Variants in ADPRHL1 observed in about 807,000 individuals in gnomAD.
ADPRHL1 encodes inactive ADP-ribosyltransferase ARH2.
A neutral mutation model predicts 44.1 loss-of-function variants in ADPRHL1; 43 were observed. The ratio of observed to expected loss-of-function variants is 0.98; its 90% CI spans 0.76 to 1.26. ADPRHL1 has a LOEUF of 1.26. Ranked by LOEUF, ADPRHL1 falls within the 50% of genes most tolerant of loss-of-function variation. The probability of loss-of-function intolerance (pLI) is 0.00; values close to 1 mark genes in which losing one functional copy is unlikely to be tolerated. For missense variants in ADPRHL1, 2,022 were observed against 2,496.9 expected (o/e 0.81, Z 4.05); for synonymous variants, 878 against 1,017.4 (o/e 0.86, Z 2.61).
rs1193080506 is a variant in ADPRHL1, at chr13:113,409,134, CAA to C, written c.1062-916_1062-915del. ...GATTCCTTCCCACCAGCCCAGCTTT[CAA>C]AGAGACGGGACCAAATGGGTCTTGG... On this transcript the variant is annotated intron_variant, in intron 7 of 7. Transcript: ENST00000612156. The surrounding 1 kb of genome is among the most constrained non-coding windows in gnomAD (Gnocchi z 4.2). Among the ~76,000 whole-genome samples the C allele has an allele frequency of 1.3e-5, 2 of 152,186 alleles. No individual in the cohort carries two copies. The highest frequency in any genetic ancestry group is 2.9e-5 in the Non-Finnish European group (2 of 68,036).
intron 1 of ADPRHL1, among the ~76,000 whole-genome samples, chr13:113,445,151 C>G (rs2139649420): frequency 6.6e-6 from 1 of 152,366 alleles, no homozygotes; most frequent in Non-Finnish European, 1.5e-5. Context: ...CCCTGAAAGA[C>G]CCTGGGGCAC....
chr13:113,418,840 G>C (rs1429494051), intron 7 of ADPRHL1, among the ~76,000 whole-genome samples: 2 of 152,066 alleles, frequency 1.3e-5, no homozygotes, highest in Admixed American at 1.3e-4. Flanking sequence ...TCATCCTCCT[G>C]CCTGCCCCTT....
At chr13:113,435,899 C>A (rs1461430556) in intron 2 of ADPRHL1, among the ~76,000 whole-genome samples, 5 of 146,374 alleles carry the variant, frequency 3.4e-5, no homozygotes, top group East Asian at 4.3e-4. Flanking sequence ...CGGGACCCAG[C>A]ACCCAGGTGT....
At chr13:113,439,213 C>T (rs975019429) in intron 2 of ADPRHL1, among the ~76,000 whole-genome samples, 59 of 152,056 alleles carry the variant, frequency 3.9e-4, no homozygotes, top group African/African-American at 1.4e-3. Flanking sequence ...ACCTCCGCCT[C>T]CCGGGTTCAA....
At chr13:113,442,636 T>C (rs1393940493) in intron 2 of ADPRHL1, among the ~76,000 whole-genome samples, 1 of 152,224 alleles carries the variant, frequency 6.6e-6, no homozygotes, top group Non-Finnish European at 1.5e-5. Context: ...TCTTCTTGAG[T>C]ATTACTTCAG....
intron 7 of ADPRHL1, among the ~76,000 whole-genome samples, chr13:113,412,465 A>G (rs9324241): frequency 0.65 from 98,587 of 152,128 alleles, 33,565 homozygotes; most frequent in African/African-American, 0.84. Context: ...GGCGTGAGCC[A>G]CCGCGCCCAG....
At chr13:113,448,416 A>T (rs1201926940) in intron 1 of ADPRHL1, among the ~76,000 whole-genome samples, 1 of 136,356 alleles carries the variant, frequency 7.3e-6, no homozygotes, top group East Asian at 2.3e-4. Context: ...CAGTGAGCCG[A>T]GATCGCGCCA....
In ADPRHL1 at chr13:113,406,382, C is replaced by T. The variant is rs1404228669; in HGVS notation, c.2900G>A (p.Gly967Asp). The change falls in exon 8 of 8, where the codon GGT (glycine) becomes GAT (aspartate). Residue 967 changes from glycine (G) to aspartate (D), a missense_variant. Gly to Asp is a moderately conservative substitution (Grantham distance 94). Coordinates refer to ENST00000612156, the MANE Select transcript of ADPRHL1 (RefSeq NM_001394807.1). ...TGAAATATCGTCAGGATTCCTGGGACCGTGTGAATTCTCAAAGCTGCCTTT... is the reference window on the plus strand; with the variant it reads ...TGAAATATCGTCAGGATTCCTGGGATCGTGTGAATTCTCAAAGCTGCCTTT... ...ENKGSFENSHGPRNPDDISGE... is the reference protein window; with the variant it reads ...ENKGSFENSHDPRNPDDISGE... The T allele has an allele frequency of 8.1e-7, 1 of 1,231,990 alleles. No individual in the cohort carries two copies. The highest frequency in any genetic ancestry group is 1.6e-5 in the African/African-American group (1 of 64,426). The allele number at this position is 1,231,990 out of a possible 1,614,324, so 76.3% of individuals were successfully genotyped here. A position where few individuals can be genotyped will look rare whatever the true frequency, so the allele number is the denominator to read the frequency against.
chr13:113,439,444 A>T (rs1384937950), intron 2 of ADPRHL1, among the ~76,000 whole-genome samples: 7 of 137,860 alleles, frequency 5.1e-5, no homozygotes, highest in African/African-American at 1.9e-4. Context: ...TTTTCTTTGT[A>T]TTTTTTTTTT....
intron 2 of ADPRHL1, among the ~76,000 whole-genome samples, chr13:113,438,464 C>T (rs763262860): frequency 1.5e-4 from 23 of 152,206 alleles, no homozygotes; most frequent in Non-Finnish European, 2.4e-4. Flanking sequence ...GAGGCCAAGG[C>T]AGGCAGATCA....
chr13:113,408,846 G>GAAGGGGGCTGCA (rs2043828323), intron 7 of ADPRHL1, among the ~76,000 whole-genome samples: 1 of 151,092 alleles, frequency 6.6e-6, no homozygotes, highest in African/African-American at 2.4e-5. Flanking sequence ...GAGCAGGGGA[G>GAAGGGGGCTGCA]GAGGGGGCTG....
At chr13:113,447,164 C>T (rs1460713075) in intron 1 of ADPRHL1, among the ~76,000 whole-genome samples, 2 of 119,416 alleles carry the variant, frequency 1.7e-5, no homozygotes, top group East Asian at 2.3e-4. Context: ...TCTACACTCA[C>T]GGTGTTGTGT....
intron 1 of ADPRHL1, among the ~76,000 whole-genome samples, chr13:113,446,009 A>T (rs2044134209): frequency 6.7e-6 from 1 of 150,018 alleles, no homozygotes; most frequent in Non-Finnish European, 1.5e-5. Context: ...CCCCAGAGAG[A>T]GTGCTTGGGG....
chr13:113,423,652 G>A (rs968776476), intron 6 of ADPRHL1, among the ~76,000 whole-genome samples: 2 of 152,210 alleles, frequency 1.3e-5, no homozygotes, highest in African/African-American at 4.8e-5. Flanking sequence ...GAGCTGCCTG[G>A]AGCTGCCACA....
intron 3 of ADPRHL1, 92 bp downstream of exon 3, chr13:113,433,650 G>GCCCCCCCCCC: frequency 7.5e-7 from 1 of 1,334,012 alleles, no homozygotes; most frequent in Non-Finnish European, 9.6e-7. Context: ...CCAGGCCCCC[G>GCCCCCCCCCC]CCCCCCACCC....
intron 3 of ADPRHL1, among the ~76,000 whole-genome samples, chr13:113,431,133 G>A (rs2044003965): frequency 6.6e-6 from 1 of 152,220 alleles, no homozygotes; most frequent in Non-Finnish European, 1.5e-5. Flanking sequence ...CGGCGCCATT[G>A]GCCAGAGGCA....
chr13:113,446,759 G>T (rs760335331), intron 1 of ADPRHL1, among the ~76,000 whole-genome samples: 21 of 152,130 alleles, frequency 1.4e-4, no homozygotes, highest in African/African-American at 3.9e-4. Context: ...GTGTTTACAT[G>T]CACCGTGTTG....
chr13:113,421,338 C>T lies in ADPRHL1; in HGVS notation c.1061+1488G>A, dbSNP rs533510623. Among the ~76,000 whole-genome samples, 10 of 144,816 alleles carry T rather than the reference C, an allele frequency of 6.9e-5. No homozygotes were observed. The South Asian group carries it at 1.6e-3, about 23-fold the overall frequency. On this transcript the variant is annotated intron_variant, in intron 7 of 7. Transcript: ENST00000612156. ...GCCCACCCCGGGACACGCCCACCCC[C>T]GGGACACGCCCACTCCCGGGACACC...
rs2043810954 is a variant in ADPRHL1, at chr13:113,406,654, C to T, written c.2628G>A (p.Glu876=). 1 of 1,188,792 alleles carries T rather than the reference C, an allele frequency of 8.4e-7. No individual in the cohort carries two copies. Among genetic ancestry groups the T allele is most frequent in the Non-Finnish European group, 1.0e-6 (1 of 972,834 alleles). 73.6% of individuals were successfully genotyped at this position (1,188,792 alleles called of 1,614,324 possible). The change falls in exon 8 of 8, where the codon GAG becomes GAA. Residue 876 remains glutamate, a synonymous_variant. Coordinates refer to ENST00000612156, the MANE Select transcript of ADPRHL1 (RefSeq NM_001394807.1). ...GENKPCICGG[E]NVVENAHTEF... ...CTGTGTGGGCATTTTCAACCACATTCTCTCCTCCACAAATACAAGGTTTGT... is the reference window on the plus strand; with the variant it reads ...CTGTGTGGGCATTTTCAACCACATTTTCTCCTCCACAAATACAAGGTTTGT...
Sources: allele counts gnomAD v4.1 joint callset (sites outside exome capture counted in the v4.1 genomes callset), GRCh38; gene constraint gnomAD v4.1.1; non-coding constraint Gnocchi (gnomAD v3.1); transcripts MANE v1.5; gene names NCBI Gene and HGNC (gene_info 2026-07-23, HGNC 2026-07-21).